The following NCK2 variants were observed in gnomAD, a reference collection of about 807,000 sequenced individuals.
NCK2 encodes the protein cytoplasmic protein NCK2.
A neutral mutation model predicts 33.9 loss-of-function variants in NCK2; 16 were observed. The observed-to-expected ratio is 0.47, with a 90% CI of 0.32 to 0.72. NCK2 has a LOEUF of 0.72. Among genes scored for constraint, NCK2 ranks in the 30% least tolerant of loss-of-function variants. NCK2 has a pLI of 0.03. For synonymous variants in NCK2, 273 were observed against 239.9 expected, an observed-to-expected ratio of 1.14 and a Z score of -1.27; for missense variants, 418 against 537.3, an observed-to-expected ratio of 0.78 and a Z score of 2.19.
chr2:105,749,200 T>C (rs1005198032), intron 1 of NCK2, among the ~76,000 whole-genome samples: 13 of 152,242 alleles, frequency 8.5e-5, no homozygotes, highest in Non-Finnish European at 1.5e-4. Flanking sequence ...CCGTTTGTGA[T>C]CCTGGCCTGG....
At chr2:105,751,859 C>G (rs906181785) in intron 1 of NCK2, among the ~76,000 whole-genome samples, 1 of 152,174 alleles carries the variant, frequency 6.6e-6, no homozygotes, top group Non-Finnish European at 1.5e-5. Context: ...GTGCTGACCC[C>G]TTGAAATACA....
intron 1 of NCK2, among the ~76,000 whole-genome samples, chr2:105,747,541 T>C (rs1689326713): frequency 6.6e-6 from 1 of 152,158 alleles, no homozygotes; most frequent in Non-Finnish European, 1.5e-5. Flanking sequence ...TCTCTGACAT[T>C]AAAAATGAGG....
intron 3 of NCK2, 58 bp downstream of exon 3, chr2:105,855,347 C>A: frequency 2.4e-6 from 3 of 1,250,080 alleles, no homozygotes; most frequent in Non-Finnish European, 3.3e-6. Context: ...CACTGTTCGT[C>A]TTTCTAGTTA....
intron 4 of NCK2, among the ~76,000 whole-genome samples, chr2:105,892,413 T>G (rs1426375137): frequency 6.6e-6 from 1 of 152,246 alleles, no homozygotes; most frequent in Non-Finnish European, 1.5e-5. Context: ...GTTTGCACTT[T>G]TCAAATAACT....
intron 3 of NCK2, among the ~76,000 whole-genome samples, chr2:105,878,947 C>CAGGA (rs1678348783): frequency 6.6e-6 from 1 of 152,182 alleles, no homozygotes; most frequent in African/African-American, 2.4e-5. Context: ...TGGTATGTCT[C>CAGGA]AGGAACTCAG....
chr2:105,855,648 A>G (rs534305914), intron 3 of NCK2: 11 of 179,668 alleles, frequency 6.1e-5, no homozygotes, highest in African/African-American at 1.2e-4. Flanking sequence ...CTCTTATACA[A>G]TCCTGTCCAT....
chr2:105,865,996 C>A (rs1201714152), intron 3 of NCK2, among the ~76,000 whole-genome samples: 1 of 152,086 alleles, frequency 6.6e-6, no homozygotes, highest in Non-Finnish European at 1.5e-5. Context: ...CTCACCGCAA[C>A]CTCCGCCTAC....
At chr2:105,777,143 G>A (rs1690333643) in intron 1 of NCK2, among the ~76,000 whole-genome samples, 1 of 152,062 alleles carries the variant, frequency 6.6e-6, no homozygotes, top group Non-Finnish European at 1.5e-5. Flanking sequence ...TGAGCCCACG[G>A]CCCTGCGGCT....
At chr2:105,777,760 T>C (rs1287416200) in intron 1 of NCK2, among the ~76,000 whole-genome samples, 2 of 152,102 alleles carry the variant, frequency 1.3e-5, no homozygotes, top group Non-Finnish European at 1.5e-5. Flanking sequence ...AGCAGACCAC[T>C]TGAAGCCCTG....
intron 1 of NCK2, among the ~76,000 whole-genome samples, chr2:105,767,638 C>T (rs1689990820): frequency 6.6e-6 from 1 of 152,236 alleles, no homozygotes; most frequent in Non-Finnish European, 1.5e-5. Flanking sequence ...ATGTGGCCCA[C>T]AAAGCCTGAA....
At chr2:105,846,028 C>T (rs1676842519) in intron 2 of NCK2, among the ~76,000 whole-genome samples, 1 of 152,110 alleles carries the variant, frequency 6.6e-6, no homozygotes, top group Non-Finnish European at 1.5e-5. Flanking sequence ...CAGTTAACAT[C>T]ATGTAAGAAA....
chr2:105,848,460 ACT>A (rs1341244708), intron 2 of NCK2: 2 of 152,096 alleles, frequency 1.3e-5, no homozygotes, highest in African/African-American at 4.8e-5. Flanking sequence ...TCATGAAAGG[ACT>A]CTCTCCAAAA....
At chr2:105,832,435 A>G (rs1676233340) in intron 2 of NCK2, among the ~76,000 whole-genome samples, 1 of 152,196 alleles carries the variant, frequency 6.6e-6, no homozygotes, top group Admixed American at 6.5e-5. Context: ...GCTTTTGCCT[A>G]TTCAGTATGA....
chr2:105,840,304 C>T (rs547749672), intron 2 of NCK2, among the ~76,000 whole-genome samples: 2 of 152,282 alleles, frequency 1.3e-5, no homozygotes, highest in East Asian at 3.9e-4. Context: ...GGCACCCAGA[C>T]AGCTCACCCC....
intron 1 of NCK2, among the ~76,000 whole-genome samples, chr2:105,794,776 T>A (rs1347551800): frequency 6.6e-6 from 1 of 152,038 alleles, no homozygotes; most frequent in Non-Finnish European, 1.5e-5. Context: ...AGTGGTGCAG[T>A]CTTGGCTCAC....
intron 4 of NCK2, among the ~76,000 whole-genome samples, chr2:105,883,978 G>A (rs1392256497): frequency 6.6e-6 from 1 of 152,184 alleles, no homozygotes; most frequent in Non-Finnish European, 1.5e-5. Flanking sequence ...GTTCCACGTG[G>A]CCTGATGCTG....
At chr2:105,802,181 C>G (rs1674865642) in intron 1 of NCK2, among the ~76,000 whole-genome samples, 1 of 152,158 alleles carries the variant, frequency 6.6e-6, no homozygotes, top group Non-Finnish European at 1.5e-5. Context: ...AGAAGCTGAA[C>G]AATGGACGGA....
intron 1 of NCK2, among the ~76,000 whole-genome samples, chr2:105,797,123 A>G (rs989363892): frequency 1.3e-5 from 2 of 152,132 alleles, no homozygotes; most frequent in African/African-American, 4.8e-5. Flanking sequence ...AGTTTGTACC[A>G]CCATCTTTTC....
intron 4 of NCK2, among the ~76,000 whole-genome samples, chr2:105,885,318 A>G (rs1678680094): frequency 6.6e-6 from 1 of 152,186 alleles, no homozygotes; most frequent in Non-Finnish European, 1.5e-5. Flanking sequence ...TTTTTCCAGT[A>G]GAGAAAAACT....
Sources: gnomAD v4.1 joint callset for allele counts (sites outside exome capture counted in the v4.1 genomes callset) on GRCh38, gnomAD v4.1.1 for gene constraint, MANE v1.5 for transcripts, NCBI Gene and HGNC (gene_info 2026-07-23, HGNC 2026-07-21) for gene names.